The following CHID1 variants were observed in gnomAD, a reference collection of about 807,000 sequenced individuals.
The protein encoded by CHID1 is chitinase domain-containing protein 1.
CHID1 carries 44 observed loss-of-function variants against 55.4 expected under a neutral mutation model. The observed-to-expected ratio is 0.79, with a 90% confidence interval of 0.62 to 1.02. The LOEUF (loss-of-function observed/expected upper bound fraction) is 1.02, where lower values mean the gene tolerates loss of function less well. Among genes scored for constraint, CHID1 ranks in the 50% least tolerant of loss-of-function variants. The pLI is 0.00. For missense variants in CHID1, 491 were observed against 515.3 expected, an observed-to-expected ratio of 0.95 and a Z score of 0.46; for synonymous variants, 216 against 212.9, an observed-to-expected ratio of 1.01 and a Z score of -0.13.
At chr11:907,983 C>T (rs970158986) in intron 1 of CHID1, among the ~76,000 whole-genome samples, 7 of 152,216 alleles carry the variant, frequency 4.6e-5, no homozygotes, top group Non-Finnish European at 1.0e-4. Flanking sequence ...CCCACTTTGC[C>T]CTGTCTCTTC....
In CHID1 at chr11:869,356, C is replaced by CA. The variant is rs1849020482; in HGVS notation, c.*501dup. 6.0e-6 allele frequency: 1 copy of CA among 167,574 alleles called. No individual in the cohort carries two copies. The highest frequency in any genetic ancestry group is 1.6e-4 in the South Asian group (1 of 6,432). 10.4% of individuals were successfully genotyped at this position (167,574 alleles called of 1,614,324 possible). A position where few individuals can be genotyped will look rare whatever the true frequency, so the allele number is the denominator to read the frequency against. ...CGTCTGGGTGGCTCTCTGCAGGTGA[C>CA]ACACGTGCTGTGGCTGGCCAGGTGG... On this transcript the variant is annotated 3_prime_UTR_variant, in exon 13 of 13. Coordinates refer to ENST00000323578, the MANE Select transcript of CHID1 (RefSeq NM_023947.4).
intron 2 of CHID1, 70 bp from the exon 3 acceptor site, chr11:903,181 G>T: frequency 6.7e-7 from 1 of 1,492,588 alleles, no homozygotes. Context: ...GCCCCACCCA[G>T]CAAGTCCCTT....
chr11:894,255 GGA>G (rs1259158844), intron 7 of CHID1, among the ~76,000 whole-genome samples: 3 of 152,194 alleles, frequency 2.0e-5, no homozygotes, highest in South Asian at 2.1e-4. Flanking sequence ...GCTCAGGGAA[GGA>G]GAGGGCAGGG....
Position 869,273 on chromosome 11 carries a change from CTCT to C in CHID1, c.*582_*584del, listed in dbSNP as rs1849015733. ...AGTTTCAAGAGGGTGGGCCAGGCTC[CTCT>C]GAGCCCATTTCTAGGGCAGCCCCTG... is the stretch of plus-strand genomic sequence containing the variant. On this transcript the variant is annotated 3_prime_UTR_variant, in exon 13 of 13. Coordinates refer to ENST00000323578, the MANE Select transcript of CHID1 (RefSeq NM_023947.4). 6.5e-6 allele frequency: 1 copy of C among 154,974 alleles called. No homozygotes were observed. Among genetic ancestry groups the C allele is most frequent in the Non-Finnish European group, 1.4e-5 (1 of 70,138 alleles). 9.6% of individuals were successfully genotyped at this position (154,974 alleles called of 1,614,324 possible). A position where few individuals can be genotyped will look rare whatever the true frequency, so the allele number is the denominator to read the frequency against.
intron 7 of CHID1, among the ~76,000 whole-genome samples, chr11:894,406 G>C (rs1040548934): frequency 6.6e-6 from 1 of 152,198 alleles, no homozygotes; most frequent in Non-Finnish European, 1.5e-5. Flanking sequence ...CACGGCCTAG[G>C]AGCAGCCGTC....
rs1334494926 is a variant in CHID1, at chr11:870,510, C to G, written c.960-11G>C. On this transcript the variant is annotated splice_polypyrimidine_tract_variant and intron_variant, in intron 10 of 12. Coordinates refer to ENST00000323578, the MANE Select transcript of CHID1 (RefSeq NM_023947.4). ...AGTGTCTGGATGTACCTGGGGAGAC[C>G]AGGATATGGATTTGGGAGCCCACCC... 1.9e-6 allele frequency: 3 copies of G among 1,599,270 alleles called. No individual in the cohort carries two copies. In the Admixed American group the frequency reaches 5.1e-5, roughly 27 times the overall value.
intron 1 of CHID1, among the ~76,000 whole-genome samples, chr11:907,697 T>A (rs7116095): frequency 0.43 from 65,726 of 151,580 alleles, 15,090 homozygotes; most frequent in East Asian, 0.75. Flanking sequence ...CAGAGGCAGA[T>A]ACCTGACAGG....
chr11:900,135 G>T, intron 5 of CHID1, 25 bp from the exon 6 acceptor site: 1 of 1,582,992 alleles, frequency 6.3e-7, no homozygotes. Flanking sequence ...GACACACACG[G>T]GGGCCGTGAC....
chr11:890,406 A>G (rs1290181479), intron 8 of CHID1, among the ~76,000 whole-genome samples: 1 of 152,234 alleles, frequency 6.6e-6, no homozygotes, highest in African/African-American at 2.4e-5. Flanking sequence ...CTCCACATAT[A>G]GCGATGGCCG....
intron 8 of CHID1, 124 bp from the exon 9 acceptor site, chr11:884,293 T>C: frequency 1.5e-6 from 1 of 678,322 alleles, no homozygotes; most frequent in Non-Finnish European, 2.5e-6. Flanking sequence ...AAAAGTGTTC[T>C]TCTGGGGTGG....
At chr11:908,473 G>A in intron 1 of CHID1, 1 of 617,016 alleles carries the variant, frequency 1.6e-6, no homozygotes, top group Non-Finnish European at 2.0e-6. Flanking sequence ...GTCTGAGTCA[G>A]CAACAGCCCC....
chr11:890,810 C>A (rs1850755175), intron 8 of CHID1, among the ~76,000 whole-genome samples: 2 of 152,158 alleles, frequency 1.3e-5, no homozygotes, highest in Non-Finnish European at 2.9e-5. Flanking sequence ...GGACCAGACA[C>A]CCTGGGGTCT....
intron 1 of CHID1, among the ~76,000 whole-genome samples, chr11:909,005 C>G (rs1434493480): frequency 1.3e-5 from 2 of 152,234 alleles, no homozygotes; most frequent in East Asian, 3.8e-4. Flanking sequence ...CTTAACTTGC[C>G]CGCTCTGTGA....
intron 10 of CHID1, chr11:870,740 A>G (rs1219175888): frequency 6.1e-6 from 3 of 493,820 alleles, no homozygotes; most frequent in Non-Finnish European, 1.1e-5. Context: ...CCACCCCACC[A>G]AGTCCTTTCA....
intron 7 of CHID1, among the ~76,000 whole-genome samples, chr11:899,052 C>T (rs1383591836): frequency 1.3e-5 from 2 of 152,260 alleles, no homozygotes; most frequent in African/African-American, 2.4e-5. Flanking sequence ...TGAGGGTCCT[C>T]GAGTTCCTCT....
intron 8 of CHID1, among the ~76,000 whole-genome samples, chr11:885,891 G>A (rs79347848): frequency 6.6e-6 from 1 of 152,016 alleles, no homozygotes; most frequent in Non-Finnish European, 1.5e-5. Context: ...AGTGGCTCAC[G>A]CCTGTAATCC....
At position 899,381 on chromosome 11, in the gene CHID1, G is replaced by C. The variant is rs762359264; in HGVS notation, c.567C>G (p.Phe189Leu). The C allele has an allele frequency of 1.2e-6, 2 of 1,604,126 alleles. No homozygotes were observed. The highest frequency in any genetic ancestry group is 1.7e-6 in the Non-Finnish European group (2 of 1,175,256). ...QVAKNQHFDGFVVEVWNQLLS... is the reference protein window; with the variant it reads ...QVAKNQHFDGLVVEVWNQLLS... ...GCAGCTGGTTCCAGACCTCCACCAC[G>C]AAGCCATCGAAATGCTGGTTCTGAA... Residue 189 changes from phenylalanine (F) to leucine (L), a missense_variant, in exon 7 of 13, where the codon TTC becomes TTG. Coordinates refer to ENST00000323578, the MANE Select transcript of CHID1 (RefSeq NM_023947.4).
intron 10 of CHID1, among the ~76,000 whole-genome samples, chr11:872,253 G>A (rs1429351282): frequency 6.6e-6 from 1 of 152,146 alleles, no homozygotes; most frequent in Non-Finnish European, 1.5e-5. Context: ...CGCCTCCTGG[G>A]TTCAAGCAAT....
chr11:875,618 C>T lies in CHID1; in HGVS notation c.960-5119G>A, dbSNP rs146270336. On this transcript the variant is annotated intron_variant, in intron 10 of 12. Coordinates refer to ENST00000323578, the MANE Select transcript of CHID1 (RefSeq NM_023947.4). The surrounding 1 kb of genome is among the most constrained non-coding windows in gnomAD (Gnocchi z 4.7). ...GGGCTGGGGTTGCTGAAACTCTTAG[C>T]GCCACATGAGGCCGAGGGAGTCAAG... 2.6e-5 allele frequency among the ~76,000 whole-genome samples: 4 copies of T among 152,194 alleles called. No homozygotes were observed. Among genetic ancestry groups the T allele is most frequent in the East Asian group, 3.9e-4 (2 of 5,168 alleles).
Sources: allele counts gnomAD v4.1 joint callset (sites outside exome capture counted in the v4.1 genomes callset), GRCh38; gene constraint gnomAD v4.1.1; non-coding constraint Gnocchi (gnomAD v3.1); transcripts MANE v1.5; gene names NCBI Gene and HGNC (gene_info 2026-07-23, HGNC 2026-07-21).